Variants in CNTNAP2 observed in about 807,000 individuals in gnomAD.
CNTNAP2 encodes the protein contactin-associated protein-like 2.
A neutral mutation model predicts 155.2 loss-of-function variants in CNTNAP2; 98 were observed. The observed-to-expected ratio is 0.63, with a 90% CI of 0.54 to 0.75. CNTNAP2 has a LOEUF of 0.75. CNTNAP2 is among the 30% of genes least tolerant of loss of function. CNTNAP2 has a pLI of 0.00. For missense variants in CNTNAP2, 1,727 were observed against 1,688.1 expected (o/e 1.02, Z -0.40); for synonymous variants, 651 against 631.2 (o/e 1.03, Z -0.47).
chr7:147,746,840 T>C (rs1797051832), intron 13 of CNTNAP2, among the ~76,000 whole-genome samples: 1 of 152,150 alleles, frequency 6.6e-6, no homozygotes, highest in African/African-American at 2.4e-5. Flanking sequence ...GAGAATAACA[T>C]AATATGCCAT....
At position 148,366,076 on chromosome 7, in the gene CNTNAP2, GTGTGTGCATGTATA is replaced by G. The variant is rs1407356914; in HGVS notation, c.3476-17572_3476-17559del. 2.0e-4 allele frequency among the ~76,000 whole-genome samples: 2 copies of G among 9,908 alleles called. 1 individual carries two copies. Among genetic ancestry groups the G allele is most frequent in the African/African-American group, 4.4e-4 (2 of 4,582 alleles). 6.5% of individuals were successfully genotyped at this position (9,908 alleles called of 152,430 possible). A position where few individuals can be genotyped will look rare whatever the true frequency, so the allele number is the denominator to read the frequency against. On this transcript the variant is annotated intron_variant, in intron 21 of 23. Coordinates refer to ENST00000361727, the MANE Select transcript of CNTNAP2 (RefSeq NM_014141.6). ...TGTGTGTATGCATGTATGCATGTAT[GTGTGTGCATGTATA>G]CATGTATGTGTATGCATGTATGCAT...
chr7:146,743,671 T>C (rs1400651024), intron 1 of CNTNAP2, among the ~76,000 whole-genome samples: 1 of 152,066 alleles, frequency 6.6e-6, no homozygotes, highest in Admixed American at 6.5e-5. Context: ...TATTGTAATA[T>C]GACAATACAC....
chr7:148,250,116 T>C (rs551944778), intron 20 of CNTNAP2, among the ~76,000 whole-genome samples: 1 of 152,356 alleles, frequency 6.6e-6, no homozygotes, highest in South Asian at 2.1e-4. Flanking sequence ...TGCCGGGAAT[T>C]CTCCCGCCTT....
chr7:147,126,299 T>G (rs1243979158), intron 6 of CNTNAP2, among the ~76,000 whole-genome samples: 1 of 152,150 alleles, frequency 6.6e-6, no homozygotes, highest in Non-Finnish European at 1.5e-5. Flanking sequence ...AGTTATTTCT[T>G]TAGAGGCAAG....
chr7:146,783,617 T>C (rs957247570), intron 2 of CNTNAP2, among the ~76,000 whole-genome samples: 6 of 152,230 alleles, frequency 3.9e-5, no homozygotes, highest in Non-Finnish European at 2.9e-5. Context: ...AGTATTGTTA[T>C]TTTTCAACCA....
At chr7:146,252,529 T>C (rs1454396056) in intron 1 of CNTNAP2, among the ~76,000 whole-genome samples, 1 of 152,054 alleles carries the variant, frequency 6.6e-6, no homozygotes, top group Non-Finnish European at 1.5e-5. Flanking sequence ...GTAGACAAAG[T>C]AGAACAAAAT....
chr7:148,294,650 C>G (rs945077633), intron 21 of CNTNAP2, among the ~76,000 whole-genome samples: 1 of 152,078 alleles, frequency 6.6e-6, no homozygotes, highest in African/African-American at 2.4e-5. Flanking sequence ...AATTATTGTA[C>G]CTAGTATGAT....
chr7:146,507,616 C>G (rs905640836), intron 1 of CNTNAP2, among the ~76,000 whole-genome samples: 2 of 152,138 alleles, frequency 1.3e-5, no homozygotes, highest in African/African-American at 4.8e-5. Flanking sequence ...ATGATGGCCT[C>G]TGGTATGGCG....
chr7:148,241,290 C>G (rs1451391383), intron 20 of CNTNAP2, among the ~76,000 whole-genome samples: 2 of 152,222 alleles, frequency 1.3e-5, no homozygotes, highest in Non-Finnish European at 2.9e-5. Context: ...CAATTCCCTT[C>G]TCTTTCTTAA....
intron 1 of CNTNAP2, among the ~76,000 whole-genome samples, chr7:146,686,582 C>T (rs556597707): frequency 2.6e-5 from 4 of 152,046 alleles, no homozygotes; most frequent in African/African-American, 9.7e-5. Flanking sequence ...CACAGATCAT[C>T]GGCAAGTCTA....
intron 1 of CNTNAP2, among the ~76,000 whole-genome samples, chr7:146,575,102 AG>A (rs1439991829): frequency 6.6e-6 from 1 of 152,192 alleles, no homozygotes; most frequent in Admixed American, 6.5e-5. Context: ...TGTTCATTTA[AG>A]CTCTAGTGAT....
chr7:146,921,867 T>C (rs1182152454), intron 3 of CNTNAP2, among the ~76,000 whole-genome samples: 1 of 152,170 alleles, frequency 6.6e-6, no homozygotes, highest in Non-Finnish European at 1.5e-5. Context: ...AATAAGCTTC[T>C]GTGAATTTTC....
intron 11 of CNTNAP2, among the ~76,000 whole-genome samples, chr7:147,498,957 A>AT (rs34012274): frequency 6.6e-6 from 1 of 151,914 alleles, no homozygotes; most frequent in Non-Finnish European, 1.5e-5. Context: ...TAAAAAAAAA[A>AT]TTAATCTGTG....
chr7:147,173,517 A>T (rs1802273170), intron 8 of CNTNAP2, among the ~76,000 whole-genome samples: 1 of 152,216 alleles, frequency 6.6e-6, no homozygotes, highest in South Asian at 2.1e-4. Flanking sequence ...AATGGGGATC[A>T]TCAGGATGTT....
At chr7:146,789,653 A>C (rs1002649617) in intron 2 of CNTNAP2, among the ~76,000 whole-genome samples, 1 of 151,826 alleles carries the variant, frequency 6.6e-6, no homozygotes, top group Admixed American at 6.6e-5. Context: ...GGGAACCAGT[A>C]AAGATTTGAA....
intron 16 of CNTNAP2, among the ~76,000 whole-genome samples, chr7:148,141,270 A>C (rs1415645494): frequency 6.6e-6 from 1 of 152,242 alleles, no homozygotes; most frequent in African/African-American, 2.4e-5. Context: ...TTCTTATTCC[A>C]CTGGTGAGTT....
At chr7:148,115,569 C>G (rs1230321463) in intron 15 of CNTNAP2, among the ~76,000 whole-genome samples, 1 of 152,116 alleles carries the variant, frequency 6.6e-6, no homozygotes, top group Non-Finnish European at 1.5e-5. Flanking sequence ...CATCTTTATT[C>G]CCTCCCAGCT....
chr7:146,874,037 A>G (rs577177073), intron 3 of CNTNAP2, among the ~76,000 whole-genome samples: 2 of 152,220 alleles, frequency 1.3e-5, no homozygotes, highest in East Asian at 3.9e-4. Context: ...TAAATCAGAA[A>G]GAGGTGGGTT....
chr7:146,519,467 G>A (rs1017552665), intron 1 of CNTNAP2, among the ~76,000 whole-genome samples: 12 of 151,796 alleles, frequency 7.9e-5, no homozygotes, highest in African/African-American at 2.2e-4. Context: ...ATTACTTTGT[G>A]GTCTAAAAGT....
Sources: gnomAD v4.1 joint callset for allele counts (sites outside exome capture counted in the v4.1 genomes callset) on GRCh38, gnomAD v4.1.1 for gene constraint, MANE v1.5 for transcripts, NCBI Gene and HGNC (gene_info 2026-07-23, HGNC 2026-07-21) for gene names.